Variants in GALK2 observed in about 807,000 individuals in gnomAD.
The protein encoded by GALK2 is galactokinase 2.
In GALK2, 36 loss-of-function variants were observed where a neutral mutation model predicts 52.4. The observed-to-expected ratio is 0.69, with a 90% CI of 0.53 to 0.91. The LOEUF is 0.91. GALK2 is among the 40% of genes least tolerant of loss of function. The probability of loss-of-function intolerance (pLI) is 0.00; values close to 1 mark genes in which losing one functional copy is unlikely to be tolerated. For missense variants in GALK2, 579 were observed against 559.1 expected (o/e 1.04, Z -0.36); for synonymous variants, 176 against 199.1 (o/e 0.88, Z 0.98).
At chr15:49,270,506 C>G (rs1284580546) in intron 5 of GALK2, among the ~76,000 whole-genome samples, 1 of 152,188 alleles carries the variant, frequency 6.6e-6, no homozygotes, top group South Asian at 2.1e-4. Context: ...TCACATGACT[C>G]TTTCTTATAA....
At chr15:49,274,437 TGGACCTTGCA>T (rs2031301587) in intron 5 of GALK2, among the ~76,000 whole-genome samples, 1 of 152,232 alleles carries the variant, frequency 6.6e-6, no homozygotes. Flanking sequence ...TTATTATGAA[TGGACCTTGCA>T]GGACTGGCAG....
chr15:49,211,409 C>T (rs1299617286), intron 2 of GALK2, among the ~76,000 whole-genome samples: 1 of 152,092 alleles, frequency 6.6e-6, no homozygotes, highest in African/African-American at 2.4e-5. Context: ...CCAAACTTTC[C>T]CTCATCGTCC....
intron 3 of GALK2, among the ~76,000 whole-genome samples, chr15:49,355,392 T>A (rs1188058940): frequency 6.6e-6 from 1 of 152,108 alleles, no homozygotes; most frequent in African/African-American, 2.4e-5. Context: ...GAGAACTGCC[T>A]AAAGGAGCTA....
intron 1 of GALK2, among the ~76,000 whole-genome samples, chr15:49,175,873 G>A (rs1361521621): frequency 1.3e-5 from 2 of 152,122 alleles, no homozygotes; most frequent in African/African-American, 4.8e-5. Flanking sequence ...ACCAGTGTAT[G>A]CATCCCCCAG....
rs1209882861 is a variant in GALK2, at chr15:49,239,314, G to T, written c.451G>T (p.Val151Phe). 1 of 1,613,996 alleles carries T rather than the reference G, an allele frequency of 6.2e-7. No individual in the cohort carries two copies. The highest frequency in any genetic ancestry group is 1.3e-5 in the African/African-American group (1 of 74,920). Reference protein sequence around the residue: ...SSGLSSSSALVCCAGLVTLTV... With the variant: ...SSGLSSSSALFCCAGLVTLTV... ...TGGCCTCTCCAGCTCCAGTGCTTTG[G>T]TCTGTTGTGCTGGCTTGGTGACGCT... is the stretch of plus-strand genomic sequence containing the variant. Residue 151 changes from valine to phenylalanine, a missense_variant, in exon 5 of 10, where the codon GTC becomes TTC. Transcript: ENST00000560031.
chr15:49,226,203 T>A (rs182027275), intron 3 of GALK2, among the ~76,000 whole-genome samples: 1 of 152,252 alleles, frequency 6.6e-6, no homozygotes, highest in East Asian at 1.9e-4. Flanking sequence ...GCAGATCCCC[T>A]TGCCAGTTTA....
chr15:49,204,299 T>A (rs1343788580), intron 2 of GALK2, among the ~76,000 whole-genome samples: 1 of 151,624 alleles, frequency 6.6e-6, no homozygotes, highest in Non-Finnish European at 1.5e-5. Context: ...TTCTTTTATT[T>A]TTTTTTTTGG....
At chr15:49,295,346 T>TAG (rs1555427367) in intron 8 of GALK2, among the ~76,000 whole-genome samples, 2 of 143,126 alleles carry the variant, frequency 1.4e-5, no homozygotes, top group African/African-American at 5.7e-5. Context: ...TATATATATA[T>TAG]AGATAGATAG....
intron 1 of GALK2, among the ~76,000 whole-genome samples, chr15:49,199,940 T>A (rs1025792518): frequency 2.0e-5 from 3 of 152,214 alleles, no homozygotes; most frequent in Non-Finnish European, 4.4e-5. Context: ...CGAGCTTGAA[T>A]AACTTCCAAC....
At position 49,328,122 on chromosome 15, in the gene GALK2, A is replaced by G. The variant is rs747073827; in HGVS notation, c.1340A>G (p.Lys447Arg). The stretch of plus-strand genomic sequence containing the variant: ...GAGAAGCAAAGTTTGTTTGCTACCA[A>G]ACCTGGAGGTGGGGCTTTGGTTTTG... The part of the protein sequence containing the change: ...APEKQSLFAT[K>R]PGGGALVLLE... The change falls in exon 10 of 10, where the codon AAA becomes AGA. Residue 447 changes from lysine to arginine, a missense_variant. Physicochemically the swap from Lys to Arg is conservative, Grantham distance 26 (BLOSUM62 2). Coordinates refer to ENST00000560031, the MANE Select transcript of GALK2 (RefSeq NM_002044.4). 2.7e-5 allele frequency: 44 copies of G among 1,614,138 alleles called. No individual in the cohort carries two copies. The highest frequency in any genetic ancestry group is 3.6e-5 in the Non-Finnish European group (42 of 1,179,996).
chr15:49,260,576 T>A (rs2092056034), intron 5 of GALK2, among the ~76,000 whole-genome samples: 1 of 147,686 alleles, frequency 6.8e-6, no homozygotes, highest in Non-Finnish European at 1.5e-5. Flanking sequence ...TTTAATTAGA[T>A]CCCATTTGTC....
intron 1 of GALK2, among the ~76,000 whole-genome samples, chr15:49,162,095 T>A (rs1439526668): frequency 1.3e-5 from 2 of 152,200 alleles, no homozygotes; most frequent in African/African-American, 4.8e-5. Flanking sequence ...AATGAACATA[T>A]TATCACTGCA....
intron 5 of GALK2, among the ~76,000 whole-genome samples, chr15:49,250,976 A>C (rs1352392255): frequency 6.6e-6 from 1 of 152,202 alleles, no homozygotes; most frequent in Non-Finnish European, 1.5e-5. Context: ...ATTAACATAA[A>C]AATGGAAATG....
At chr15:49,200,566 A>G (rs2087658087) in intron 1 of GALK2, among the ~76,000 whole-genome samples, 1 of 152,232 alleles carries the variant, frequency 6.6e-6, no homozygotes, top group Non-Finnish European at 1.5e-5. Flanking sequence ...AGATTAGAGT[A>G]ATAAAGCTGT....
intron 8 of GALK2, among the ~76,000 whole-genome samples, chr15:49,315,429 GATA>G: frequency 6.6e-6 from 1 of 152,144 alleles, no homozygotes; most frequent in Non-Finnish European, 1.5e-5. Context: ...AGTTGTTATG[GATA>G]AAGCTTCAGA....
Position 49,365,806 on chromosome 15 carries a change from G to A in GALK2, c.427-1685G>A. ...AATAGCTATTGCTATGCACAGTCCA[G>A]AGAGAAACATAAGTCTCACTTCCAT... On this transcript the variant is annotated intron_variant, in intron 3 of 3. Coordinates refer to the GALK2 transcript ENST00000558399. The A allele has an allele frequency of 3.5e-6, 3 of 865,840 alleles. No homozygotes were observed. The Admixed American group carries it at 5.1e-5, about 15-fold the overall frequency. The allele number at this position is 865,840 out of a possible 1,614,324, so 53.6% of individuals were successfully genotyped here.
At chr15:49,291,735 G>T (rs1051508134) in intron 7 of GALK2, among the ~76,000 whole-genome samples, 1 of 152,130 alleles carries the variant, frequency 6.6e-6, no homozygotes, top group African/African-American at 2.4e-5. Flanking sequence ...TTTTTCTTGA[G>T]GGTAGAGGAA....
At chr15:49,198,462 T>G (rs1475308384) in intron 1 of GALK2, among the ~76,000 whole-genome samples, 1 of 152,212 alleles carries the variant, frequency 6.6e-6, no homozygotes, top group East Asian at 1.9e-4. Context: ...TCTATCCTAT[T>G]TAAAGGAGAA....
At chr15:49,189,924 A>AC (rs1336607452) in intron 1 of GALK2, among the ~76,000 whole-genome samples, 23 of 152,314 alleles carry the variant, frequency 1.5e-4, no homozygotes, top group African/African-American at 5.3e-4. Context: ...AGAAAACAAA[A>AC]CCACAAATAA....
Sources: gnomAD v4.1 joint callset for allele counts (sites outside exome capture counted in the v4.1 genomes callset) on GRCh38, gnomAD v4.1.1 for gene constraint, MANE v1.5 for transcripts, NCBI Gene and HGNC (gene_info 2026-07-23, HGNC 2026-07-21) for gene names.